ZNF638: variants seen among roughly 807,000 people sequenced by gnomAD.
ZNF638 encodes the protein CTCL tumor antigen se33-1.
In ZNF638, 46 loss-of-function variants were observed where a neutral mutation model predicts 195.6. The ratio of observed to expected loss-of-function variants is 0.24; its 90% CI spans 0.19 to 0.30. The LOEUF is 0.30. Ranked by LOEUF, ZNF638 falls within the 10% of genes least tolerant of loss-of-function variation. The probability of loss-of-function intolerance (pLI) is 1.00; values close to 1 mark genes in which losing one functional copy is unlikely to be tolerated. For synonymous variants in ZNF638, 845 were observed against 772.0 expected (o/e 1.09, Z -1.57); for missense variants, 2,440 against 2,325.3 (o/e 1.05, Z -1.01).
At chr2:71,393,256 A>G in intron 10 of ZNF638, 1 of 600,936 alleles carries the variant, frequency 1.7e-6, no homozygotes, top group South Asian at 2.1e-5. Flanking sequence ...AATCAACTAT[A>G]GAAAAGCACC....
chr2:71,360,041 A>G (rs992600788), intron 3 of ZNF638, among the ~76,000 whole-genome samples: 2 of 152,226 alleles, frequency 1.3e-5, no homozygotes, highest in African/African-American at 4.8e-5. Flanking sequence ...GACTTTATCA[A>G]TGAGAGAAGT....
intron 10 of ZNF638, among the ~76,000 whole-genome samples, chr2:71,392,470 T>A (rs911254355): frequency 6.6e-6 from 1 of 152,052 alleles, no homozygotes; most frequent in South Asian, 2.1e-4. Flanking sequence ...TCTGTTTGTT[T>A]GTTGCAAAAC....
intron 8 of ZNF638, among the ~76,000 whole-genome samples, chr2:71,373,310 C>G (rs2079350730): frequency 6.6e-6 from 1 of 151,056 alleles, no homozygotes; most frequent in Middle Eastern, 3.4e-3. Context: ...TTATTGTTGT[C>G]TTTTTAAAAA....
At chr2:71,387,200 G>A (rs1052049308) in intron 10 of ZNF638, among the ~76,000 whole-genome samples, 2 of 151,982 alleles carry the variant, frequency 1.3e-5, no homozygotes, top group Non-Finnish European at 2.9e-5. Flanking sequence ...TACAAAGTTC[G>A]AAGATTTAGA....
intron 3 of ZNF638, among the ~76,000 whole-genome samples, chr2:71,356,808 A>G (rs1483340790): frequency 1.3e-5 from 2 of 151,662 alleles, no homozygotes; most frequent in Non-Finnish European, 2.9e-5. Flanking sequence ...TTTTTTTTTA[A>G]GTAAGAATTT....
intron 21 of ZNF638, among the ~76,000 whole-genome samples, chr2:71,420,193 G>A (rs1218132123): frequency 1.3e-5 from 2 of 151,676 alleles, no homozygotes; most frequent in East Asian, 3.9e-4. Context: ...TTCCTGTGTA[G>A]CTGGTACTAC....
intron 19 of ZNF638, 117 bp downstream of exon 19, chr2:71,406,379 C>T (rs542440809): frequency 1.9e-5 from 17 of 879,228 alleles, no homozygotes; most frequent in Admixed American, 1.6e-4. Flanking sequence ...TCAACCACTT[C>T]GCAGAATTAT....
At chr2:71,354,838 T>A (rs2078998093) in intron 2 of ZNF638, among the ~76,000 whole-genome samples, 1 of 152,226 alleles carries the variant, frequency 6.6e-6, no homozygotes, top group Admixed American at 6.5e-5. Flanking sequence ...TTGTTACTTT[T>A]AAATTTTGAA....
intron 3 of ZNF638, among the ~76,000 whole-genome samples, chr2:71,359,831 C>T (rs2079079988): frequency 1.3e-5 from 2 of 152,098 alleles, no homozygotes; most frequent in African/African-American, 2.4e-5. Context: ...TTTCTTGTGG[C>T]TTATTCTCTC....
chr2:71,333,687 G>A (rs2078613449), intron 1 of ZNF638, among the ~76,000 whole-genome samples: 1 of 152,160 alleles, frequency 6.6e-6, no homozygotes, highest in Non-Finnish European at 1.5e-5. Context: ...CGGAAGATCT[G>A]GATTCACATC....
intron 10 of ZNF638, among the ~76,000 whole-genome samples, chr2:71,394,689 A>G (rs1392066976): frequency 6.6e-6 from 1 of 152,186 alleles, no homozygotes; most frequent in East Asian, 1.9e-4. Context: ...CAGACACCAA[A>G]GATTCATAGT....
intron 10 of ZNF638, among the ~76,000 whole-genome samples, chr2:71,390,104 A>T (rs563480219): frequency 2.0e-5 from 3 of 152,330 alleles, no homozygotes; most frequent in African/African-American, 7.2e-5. Flanking sequence ...CCCCTTCTAT[A>T]TGCCCCCGAC....
In ZNF638 at chr2:71,349,565, T is replaced by C. The variant is rs1211347182; in HGVS notation, c.611T>C (p.Val204Ala). Residue 204 changes from valine (V) to alanine (A), a missense_variant, in exon 2 of 28, where the codon GTT (valine) becomes GCT (alanine). Around this residue, in one of 5 missense-constraint regions of ZNF638, gnomAD observed 305 missense variants for 283.6 expected, o/e 1.08. Transcript: ENST00000264447. ...AAAGAAACACTTGGTAGTGAAGCAG[T>C]TTCAAGTAATGTGATCGATTATGGG... Reference protein sequence around the residue: ...RNKETLGSEAVSSNVIDYGHA... With the variant: ...RNKETLGSEAASSNVIDYGHA... The C allele has an allele frequency of 6.2e-7, 1 of 1,614,048 alleles. No homozygotes were observed. Among genetic ancestry groups the C allele is most frequent in the Non-Finnish European group, 8.5e-7 (1 of 1,180,040 alleles).
At chr2:71,400,234 A>G in intron 14 of ZNF638, 54 bp downstream of exon 14, 2 of 1,378,674 alleles carry the variant, frequency 1.5e-6, no homozygotes, top group East Asian at 4.7e-5. Context: ...TACCAATGCC[A>G]TACCTAAGTG....
intron 8 of ZNF638, among the ~76,000 whole-genome samples, chr2:71,372,929 T>C (rs953833189): frequency 2.0e-5 from 3 of 152,220 alleles, no homozygotes; most frequent in Non-Finnish European, 4.4e-5. Context: ...TACTGATTGA[T>C]ATTTAGGTTG....
chr2:71,345,731 C>G (rs543382041), intron 1 of ZNF638, among the ~76,000 whole-genome samples: 1 of 152,150 alleles, frequency 6.6e-6, no homozygotes, highest in African/African-American at 2.4e-5. Flanking sequence ...TCTTGAACCC[C>G]TGGGCTCAGA....
chr2:71,409,007 A>G (rs910378022), intron 20 of ZNF638, among the ~76,000 whole-genome samples: 1 of 152,138 alleles, frequency 6.6e-6, no homozygotes, highest in Non-Finnish European at 1.5e-5. Flanking sequence ...CAGAACATGC[A>G]TTTTTAAAAA....
rs764652942 is a variant in ZNF638, at chr2:71,422,914, A to C, written c.3400A>C (p.Ser1134Arg). Reference protein sequence around the residue: ...PNELEEESTPSIQTETLVQQE... With the variant: ...PNELEEESTPRIQTETLVQQE... ...TGAGCTTGAAGAAGAAAGTACTCCC[A>C]GCATTCAAACAGAAACTTTGGTACA... Residue 1134 changes from serine (S) to arginine (R), a missense_variant, in exon 22 of 28, where the codon AGC becomes CGC. Coordinates refer to ENST00000264447, the MANE Select transcript of ZNF638 (RefSeq NM_014497.5). 6.2e-7 allele frequency: 1 copy of C among 1,614,046 alleles called. No individual in the cohort carries two copies. The highest frequency in any genetic ancestry group is 1.3e-5 in the African/African-American group (1 of 74,950).
intron 27 of ZNF638, among the ~76,000 whole-genome samples, chr2:71,434,134 T>C (rs2080720263): frequency 6.6e-6 from 1 of 152,200 alleles, no homozygotes; most frequent in South Asian, 2.1e-4. Context: ...TTTTGGGTCT[T>C]CAAAGCCCTG....
Sources: allele counts gnomAD v4.1 joint callset (sites outside exome capture counted in the v4.1 genomes callset), GRCh38; gene constraint gnomAD v4.1.1; regional missense constraint gnomAD v4.1.1; transcripts MANE v1.5; gene names NCBI Gene and HGNC (gene_info 2026-07-23, HGNC 2026-07-21).